The following CPS1 variants were observed in gnomAD, a reference collection of about 807,000 sequenced individuals.
CPS1 encodes the protein carbamoyl-phosphate synthase [ammonia], mitochondrial.
A neutral mutation model predicts 174.6 loss-of-function variants in CPS1; 109 were observed. That is an observed-to-expected ratio of 0.62 (90% CI 0.53 to 0.73). The LOEUF is 0.73. CPS1 is among the 30% of genes least tolerant of loss of function. The probability of loss-of-function intolerance (pLI) is 0.00; values close to 1 mark genes in which losing one functional copy is unlikely to be tolerated. For synonymous variants in CPS1, 637 were observed against 632.0 expected (o/e 1.01, Z -0.12); for missense variants, 1,689 against 1,821.9 (o/e 0.93, Z 1.33).
At chr2:210,606,702 C>T in intron 17 of CPS1, 29 bp from the exon 18 acceptor site, 1 of 1,602,922 alleles carries the variant, frequency 6.2e-7, no homozygotes, top group Non-Finnish European at 8.5e-7. Context: ...AATATGCCAC[C>T]AAGTAATGAG....
At chr2:210,578,749 T>C (rs952486683) in intron 4 of CPS1, among the ~76,000 whole-genome samples, 1 of 152,222 alleles carries the variant, frequency 6.6e-6, no homozygotes, top group African/African-American at 2.4e-5. Flanking sequence ...TCAACTATTA[T>C]CTGAATTTAT....
At chr2:210,596,815 G>A (rs149336141) in intron 13 of CPS1, among the ~76,000 whole-genome samples, 3 of 151,838 alleles carry the variant, frequency 2.0e-5, no homozygotes, top group Admixed American at 1.3e-4. Context: ...CTATAGTTTT[G>A]TATTTTAATG....
chr2:210,491,307 GTTTTTTTTTTTTTTTTTTT>G (rs66825517), intron 1 of CPS1, among the ~76,000 whole-genome samples: 1 of 50,342 alleles, frequency 2.0e-5, no homozygotes, highest in African/African-American at 1.0e-4. Context: ...TGGTATCTGT[GTTTTTTTTTTTTTTTTTTT>G]TTTTTTTTTT....
intron 1 of CPS1, among the ~76,000 whole-genome samples, chr2:210,525,147 A>ACAC (rs1192568353): frequency 6.6e-6 from 1 of 151,844 alleles, no homozygotes; most frequent in Admixed American, 6.6e-5. Context: ...CTTCTGTGCC[A>ACAC]CACCAAGGAC....
At chr2:210,555,529 C>T, upstream of CPS1, 1 of 439,072 alleles carries the variant, frequency 2.3e-6, no homozygotes, top group Non-Finnish European at 4.6e-6. Flanking sequence ...AGCGTGAGGA[C>T]TTAAATTAAA....
chr2:210,616,385 A>G, intron 20 of CPS1, 38 bp from the exon 21 acceptor site: 1 of 1,394,766 alleles, frequency 7.2e-7, no homozygotes, highest in Admixed American at 1.7e-5. Flanking sequence ...ATTTAGAAAA[A>G]TGTTTGCCAA....
rs769693794 is a variant in CPS1, at chr2:210,556,684, T to C, written c.-50T>C. 1.9e-6 allele frequency: 3 copies of C among 1,608,770 alleles called. No individual in the cohort carries two copies. The highest frequency in any genetic ancestry group is 2.5e-6 in the Non-Finnish European group (3 of 1,177,262). ...TTAACTAAAAAGTCTTATCACACAA[T>C]CTCATAAAATTTATGTAATTTCATT... On this transcript the variant is annotated 5_prime_UTR_variant, in exon 1 of 38. Transcript: ENST00000233072.
intron 1 of CPS1, among the ~76,000 whole-genome samples, chr2:210,570,625 C>G (rs1158084542): frequency 6.6e-6 from 1 of 151,892 alleles, no homozygotes; most frequent in East Asian, 1.9e-4. Context: ...AGTCTACACT[C>G]AAATTTTGCC....
At chr2:210,512,823 TATATATGGAG>T (rs1483886583) in intron 1 of CPS1, among the ~76,000 whole-genome samples, 1 of 125,080 alleles carries the variant, frequency 8.0e-6, no homozygotes, top group African/African-American at 3.1e-5. Flanking sequence ...GAGAGAGATA[TATATATGGAG>T]ATATACATAT....
At chr2:210,492,316 G>A (rs753548439) in intron 1 of CPS1, among the ~76,000 whole-genome samples, 5 of 152,220 alleles carry the variant, frequency 3.3e-5, no homozygotes, top group Non-Finnish European at 5.9e-5. Context: ...AATTGCTATC[G>A]TCCTCTAGCA....
At chr2:210,619,044 C>T (rs1184802482) in intron 21 of CPS1, 1 of 152,070 alleles carries the variant, frequency 6.6e-6, no homozygotes, top group African/African-American at 2.4e-5. Context: ...CAGAGAACTC[C>T]AAAATTCTCC....
chr2:210,595,363 A>G lies in CPS1; in HGVS notation c.1264-124A>G, dbSNP rs187756404. The G allele has an allele frequency of 1.6e-4, 115 of 726,316 alleles. No homozygotes were observed. The African/African-American group carries it at 1.9e-3, about 12-fold the overall frequency. The allele number at this position is 726,316 out of a possible 1,614,324, so 45.0% of individuals were successfully genotyped here. A position where few individuals can be genotyped will look rare whatever the true frequency, so the allele number is the denominator to read the frequency against. Reference sequence around the variant, plus strand: ...TTTCCCTATATATTACATATTTTTCATTACATTAGACCTTAGATGACCACA... The same window carrying G: ...TTTCCCTATATATTACATATTTTTCGTTACATTAGACCTTAGATGACCACA... On this transcript the variant is annotated intron_variant, in intron 12 of 37. Transcript: ENST00000233072.
At chr2:210,601,923 G>A (rs1381818563) in intron 15 of CPS1, among the ~76,000 whole-genome samples, 1 of 151,768 alleles carries the variant, frequency 6.6e-6, no homozygotes, top group African/African-American at 2.4e-5. Flanking sequence ...GATTATTTCT[G>A]CTTTGACCAT....
At chr2:210,630,864 G>A (rs533133223) in intron 21 of CPS1, among the ~76,000 whole-genome samples, 9 of 152,212 alleles carry the variant, frequency 5.9e-5, no homozygotes, top group Admixed American at 3.9e-4. Context: ...TCTTGAACCC[G>A]TGAAACGCCA....
intron 1 of CPS1, chr2:210,519,771 A>G (rs1216239529): frequency 3.0e-6 from 3 of 985,228 alleles, no homozygotes; most frequent in Non-Finnish European, 3.6e-6. Flanking sequence ...TTCCTGATGA[A>G]AATGTTGGAA....
chr2:210,677,057 A>C lies in CPS1; in HGVS notation c.4325A>C (p.Asn1442Thr), dbSNP rs745894877. The C allele has an allele frequency of 1.2e-6, 2 of 1,613,552 alleles. No homozygotes were observed. The highest frequency in any genetic ancestry group is 1.3e-5 in the African/African-American group (1 of 74,908). The change falls in exon 37 of 38, where the codon AAC (asparagine) becomes ACC (threonine). Residue 1442 changes from asparagine (N) to threonine (T), a missense_variant. Coordinates refer to ENST00000233072, the MANE Select transcript of CPS1 (RefSeq NM_001875.5). ...IDLVINLPNN[N>T]TKFVHDNYVI... Reference sequence around the variant, plus strand: ...CTAGTGATTAACCTTCCCAACAACAACACTAAATTTGTCCATGATAATTAT... The same window carrying C: ...CTAGTGATTAACCTTCCCAACAACACCACTAAATTTGTCCATGATAATTAT...
intron 37 of CPS1, 55 bp downstream of exon 37, chr2:210,677,191 C>G: frequency 6.4e-7 from 1 of 1,552,364 alleles, no homozygotes; most frequent in Non-Finnish European, 8.9e-7. Context: ...CTGTGCCTCC[C>G]TTAAGAGTGT....
intron 1 of CPS1, among the ~76,000 whole-genome samples, chr2:210,497,339 A>C (rs1470617642): frequency 6.6e-6 from 1 of 152,200 alleles, no homozygotes; most frequent in Non-Finnish European, 1.5e-5. Flanking sequence ...TGTTAAAAAT[A>C]TTCATATCCT....
At chr2:210,639,241 C>T (rs745804670) in intron 23 of CPS1, 26 bp downstream of exon 23, 4 of 1,526,276 alleles carry the variant, frequency 2.6e-6, no homozygotes, top group Non-Finnish European at 3.6e-6. Flanking sequence ...TTGGCCTATC[C>T]AGAAAGCTCT....
Sources: gnomAD v4.1 joint callset for allele counts (sites outside exome capture counted in the v4.1 genomes callset) on GRCh38, gnomAD v4.1.1 for gene constraint, MANE v1.5 for transcripts, NCBI Gene and HGNC (gene_info 2026-07-23, HGNC 2026-07-21) for gene names.